The following MICAL3 variants were observed in gnomAD, a reference collection of about 807,000 sequenced individuals.
The protein encoded by MICAL3 is [F-actin]-monooxygenase MICAL3.
Under a neutral mutation model 207.4 loss-of-function variants are expected in MICAL3, and 62 were observed. The ratio of observed to expected loss-of-function variants is 0.30; its 90% CI spans 0.24 to 0.37. The LOEUF is 0.37. MICAL3 is among the 10% of genes least tolerant of loss of function. The pLI is 1.00. For missense variants in MICAL3, 2,368 were observed against 2,635.6 expected, an observed-to-expected ratio of 0.90 and a Z score of 2.22; for synonymous variants, 1,077 against 1,069.3, an observed-to-expected ratio of 1.01 and a Z score of -0.14.
chr22:17,974,061 T>A (rs975877448), intron 1 of MICAL3, among the ~76,000 whole-genome samples: 1 of 152,204 alleles, frequency 6.6e-6, no homozygotes, highest in Non-Finnish European at 1.5e-5. Context: ...CTCTGGGCCA[T>A]GGTTTATGTG....
At position 17,863,990 on chromosome 22, in the gene MICAL3, C is replaced by A. The variant is rs1169973959; in HGVS notation, c.2605+909G>T. 5.1e-6 allele frequency: 5 copies of A among 985,398 alleles called. No individual in the cohort carries two copies. In the African/African-American group the frequency reaches 7.0e-5, roughly 14 times the overall value. The allele number at this position is 985,398 out of a possible 1,614,324, so 61.0% of individuals were successfully genotyped here. A position where few individuals can be genotyped will look rare whatever the true frequency, so the allele number is the denominator to read the frequency against. ...CACAGCCCTGCTGGCCCCCTCTTGC[C>A]ACAGTGACCCTGGGCCGTGAACCAC... On this transcript the variant is annotated intron_variant, in intron 19 of 31. Coordinates refer to ENST00000441493, the MANE Select transcript of MICAL3 (RefSeq NM_015241.3).
chr22:17,938,648 A>G (rs1218633761), intron 1 of MICAL3, among the ~76,000 whole-genome samples: 1 of 152,176 alleles, frequency 6.6e-6, no homozygotes. Context: ...GCCTTGGTCT[A>G]AGCTGATGCT....
At chr22:17,962,254 A>G (rs2034872355) in intron 1 of MICAL3, among the ~76,000 whole-genome samples, 1 of 145,626 alleles carries the variant, frequency 6.9e-6, no homozygotes, top group Admixed American at 6.8e-5. Flanking sequence ...ACAAGCAAAC[A>G]TGTCCTCAAC....
chr22:17,810,630 C>A, intron 28 of MICAL3, 73 bp downstream of exon 28: 1 of 1,212,902 alleles, frequency 8.2e-7, no homozygotes, highest in Non-Finnish European at 1.2e-6. Context: ...TGGCAGGGAG[C>A]AGCTGGGTGG....
At chr22:17,875,804 G>A (rs1202827773) in intron 16 of MICAL3, among the ~76,000 whole-genome samples, 1 of 151,508 alleles carries the variant, frequency 6.6e-6, no homozygotes, top group Non-Finnish European at 1.5e-5. Flanking sequence ...ACGCGGTCCC[G>A]CAGCTGTGGG....
chr22:17,804,214 TCTAA>T (rs769430948), intron 29 of MICAL3, among the ~76,000 whole-genome samples: 12 of 152,138 alleles, frequency 7.9e-5, no homozygotes, highest in African/African-American at 1.2e-4. Context: ...CTGAACCTTC[TCTAA>T]CTAAGAGTTA....
intron 12 of MICAL3, among the ~76,000 whole-genome samples, chr22:17,890,342 C>A (rs1930297166): frequency 6.6e-6 from 1 of 152,060 alleles, no homozygotes. Flanking sequence ...CTCCAGGCGC[C>A]CCTCCACCCC....
intron 19 of MICAL3, chr22:17,861,109 A>G: frequency 1.0e-6 from 1 of 985,418 alleles, no homozygotes; most frequent in South Asian, 4.7e-5. Flanking sequence ...AAAGCTTTCC[A>G]TAAATGCCTA....
In MICAL3 at chr22:17,887,392, G is replaced by A. The variant is rs1982135531; in HGVS notation, c.1935C>T (p.Ala645=). 6.2e-7 allele frequency: 1 copy of A among 1,613,888 alleles called. No homozygotes were observed. The highest frequency in any genetic ancestry group is 1.3e-5 in the African/African-American group (1 of 74,940). The change falls in exon 14 of 32, where the codon GCC becomes GCT. Residue 645 remains alanine, a synonymous_variant. Coordinates refer to ENST00000441493, the MANE Select transcript of MICAL3 (RefSeq NM_015241.3). ...LNAEEKAVLI[A]STRSPISFLS... ...GGAAGGAGATAGGGGATCTGGTGCT[G>A]GCTATCAGGACTGCTTTCTCCTCGG... is the stretch of plus-strand genomic sequence containing the variant.
chr22:17,999,339 C>G (rs1196038616), intron 1 of MICAL3, among the ~76,000 whole-genome samples: 1 of 152,120 alleles, frequency 6.6e-6, no homozygotes, highest in Non-Finnish European at 1.5e-5. Context: ...CTTCTAGGAC[C>G]AAGACGTGAG....
chr22:17,964,203 A>G (rs1935045686), intron 1 of MICAL3, among the ~76,000 whole-genome samples: 1 of 152,180 alleles, frequency 6.6e-6, no homozygotes, highest in Non-Finnish European at 1.5e-5. Flanking sequence ...CAAGACCCAA[A>G]AAATCTGCCT....
chr22:17,888,528 G>A (rs187109820), intron 13 of MICAL3, among the ~76,000 whole-genome samples: 72 of 152,284 alleles, frequency 4.7e-4, no homozygotes, highest in African/African-American at 7.5e-4. Context: ...ATAATTCCAC[G>A]AAAAGGGACA....
chr22:17,891,989 C>G (rs1483949097), intron 11 of MICAL3, among the ~76,000 whole-genome samples: 2 of 152,266 alleles, frequency 1.3e-5, no homozygotes, highest in South Asian at 2.1e-4. Context: ...TCTGAGTTCC[C>G]GGACAGTCGC....
intron 1 of MICAL3, among the ~76,000 whole-genome samples, chr22:17,914,462 A>G (rs1237506958): frequency 8.1e-6 from 1 of 122,942 alleles, no homozygotes; most frequent in Non-Finnish European, 1.8e-5. Flanking sequence ...TTTTGGGTCC[A>G]GACTTGTCCA....
chr22:17,906,645 C>T lies in MICAL3; in HGVS notation c.168G>A (p.Lys56=). ...GGGCTTTGGCTTTCCAGTAGTTAAGCTTGGACTTGAGCTTGTGATAGAAGG... is the reference window on the plus strand; with the variant it reads ...GGGCTTTGGCTTTCCAGTAGTTAAGTTTGGACTTGAGCTTGTGATAGAAGG... The part of the protein sequence containing the change: ...YRSFYHKLKS[K]LNYWKAKALW... The change falls in exon 2 of 32, where the codon AAG becomes AAA. Residue 56 remains lysine, a synonymous_variant. Coordinates refer to ENST00000441493, the MANE Select transcript of MICAL3 (RefSeq NM_015241.3). The T allele has an allele frequency of 6.2e-7, 1 of 1,613,996 alleles. No individual in the cohort carries two copies. Among genetic ancestry groups the T allele is most frequent in the South Asian group, 1.1e-5 (1 of 91,080 alleles).
rs190405459 is a variant in MICAL3 at position 17,863,392 on chromosome 22, G to A, written c.2605+1507C>T. ...TCTCCAACTGAATGTACATTCTATAGCATAAAGCCAAAGTCTCTGTCTAGA... is the reference window on the plus strand; with the variant it reads ...TCTCCAACTGAATGTACATTCTATAACATAAAGCCAAAGTCTCTGTCTAGA... On this transcript the variant is annotated intron_variant, in intron 19 of 31. Coordinates refer to ENST00000441493, the MANE Select transcript of MICAL3 (RefSeq NM_015241.3). The A allele has an allele frequency of 2.9e-3, 2,810 of 985,344 alleles. 4 individuals are homozygous for A. The highest frequency in any genetic ancestry group is 3.1e-3 in the Non-Finnish European group (2,606 of 829,864). The allele number at this position is 985,344 out of a possible 1,614,324, so 61.0% of individuals were successfully genotyped here. A position where few individuals can be genotyped will look rare whatever the true frequency, so the allele number is the denominator to read the frequency against.
At chr22:17,925,981 GA>G (rs756605548) in intron 1 of MICAL3, among the ~76,000 whole-genome samples, 8 of 151,908 alleles carry the variant, frequency 5.3e-5, no homozygotes, top group Non-Finnish European at 8.8e-5. Flanking sequence ...TAAAATTTAT[GA>G]AAAAAAATGT....
chr22:17,951,017 C>A (rs183349255), intron 1 of MICAL3, among the ~76,000 whole-genome samples: 35 of 152,344 alleles, frequency 2.3e-4, no homozygotes, highest in African/African-American at 8.2e-4. Context: ...AGTCTCCTAC[C>A]ACGGGTCTTC....
At position 17,805,462 on chromosome 22, in the gene MICAL3, CAG is replaced by C. The variant is rs565097034; in HGVS notation, c.5650+3380_5650+3381del. 5.9e-5 allele frequency among the ~76,000 whole-genome samples: 9 copies of C among 152,320 alleles called. No homozygotes were observed. The East Asian group carries it at 1.7e-3, about 29-fold the overall frequency. On this transcript the variant is annotated intron_variant, in intron 29 of 31. Coordinates refer to ENST00000441493, the MANE Select transcript of MICAL3 (RefSeq NM_015241.3). ...TAGGAACCATAATTCCTGAAAATTC[CAG>C]AGAGTTTCTCAAATGCATCACAACG...
Sources: allele counts gnomAD v4.1 joint callset (sites outside exome capture counted in the v4.1 genomes callset), GRCh38; gene constraint gnomAD v4.1.1; transcripts MANE v1.5; gene names NCBI Gene and HGNC (gene_info 2026-07-23, HGNC 2026-07-21).